DRAM2: variants seen among roughly 807,000 people sequenced by gnomAD.
DRAM2 encodes DNA damage regulated autophagy modulator 2.
DRAM2 carries 26 observed loss-of-function variants against 33.5 expected under a neutral mutation model. The ratio of observed to expected loss-of-function variants is 0.78; its 90% confidence interval spans 0.57 to 1.08. The LOEUF (loss-of-function observed/expected upper bound fraction) is 1.08. Ranked by LOEUF, DRAM2 falls within the 50% of genes least tolerant of loss-of-function variation. The pLI is 0.00. For missense variants in DRAM2, 311 were observed against 318.1 expected (o/e 0.98, Z 0.17); for synonymous variants, 98 against 109.5 (o/e 0.89, Z 0.66).
At position 111,120,547 on chromosome 1, in the gene DRAM2, CAA is replaced by C; in HGVS notation, c.484_485del (p.Leu162GlyfsTer10). ...GKQVFWIRLLLVIWCGVSALS... is the reference protein window; with the variant it reads ...GKQVFWIRLLXVIWCGVSALS... ...GTGCACTTACTCCACACCAGATAAC[CAA>C]CAACAGTCTGATCCAGAAGACTTGT... On this transcript the variant is annotated frameshift_variant, in exon 7 of 10. Transcript: ENST00000484310. LOFTEE classifies it high-confidence loss of function. 6.2e-7 allele frequency: 1 copy of C among 1,610,446 alleles called. No individual in the cohort carries two copies. The highest frequency in any genetic ancestry group is 8.5e-7 in the Non-Finnish European group (1 of 1,178,230).
At chr1:111,125,017 G>GAA (rs146295738) in intron 5 of DRAM2, 136 bp from the exon 6 acceptor site, 828 of 604,514 alleles carry the variant, frequency 1.4e-3, no homozygotes, top group South Asian at 2.7e-3. Context: ...AGAATAAAAA[G>GAA]AAAAAAAAAA....
chr1:111,130,773 G>GC (rs1443181320), intron 4 of DRAM2, among the ~76,000 whole-genome samples: 1 of 150,852 alleles, frequency 6.6e-6, no homozygotes, highest in Non-Finnish European at 1.5e-5. Context: ...GAGGTGGGCA[G>GC]ATCACAAAGT....
rs1654100338 is a variant in DRAM2, at chr1:111,139,583, C to A, written c.-161G>T. ...TGAAGATTCTTGGTAACTGCTTCAACAAACCAGAGGAATTAATTAGACCGC... is the reference window on the plus strand; with the variant it reads ...TGAAGATTCTTGGTAACTGCTTCAAAAAACCAGAGGAATTAATTAGACCGC... On this transcript the variant is annotated 5_prime_UTR_variant, in exon 2 of 10. Transcript: ENST00000484310. 6.6e-6 allele frequency: 1 copy of A among 152,274 alleles called. No individual in the cohort carries two copies. The highest frequency in any genetic ancestry group is 2.4e-5 in the African/African-American group (1 of 41,436). The allele number at this position is 152,274 out of a possible 1,614,324, so 9.4% of individuals were successfully genotyped here.
At chr1:111,123,226 T>C (rs583768) in intron 6 of DRAM2, among the ~76,000 whole-genome samples, 30,269 of 152,082 alleles carry the variant, frequency 0.2, 3,140 homozygotes, top group Middle Eastern at 0.27. Context: ...TTTCATAGTA[T>C]AAAGTGGCTG....
intron 1 of DRAM2, 70 bp from the exon 2 acceptor site, chr1:111,139,736 G>C (rs1475761434): frequency 6.6e-6 from 1 of 152,448 alleles, no homozygotes; most frequent in East Asian, 1.9e-4. Flanking sequence ...AGGAGAGTAG[G>C]GGAAACCAAG....
At chr1:111,120,104 C>T (rs1036933397) in intron 7 of DRAM2, 145 bp from the exon 8 acceptor site, 8 of 692,926 alleles carry the variant, frequency 1.2e-5, no homozygotes, top group South Asian at 2.0e-5. Flanking sequence ...AGCAGTGGTA[C>T]TGTAAAACTA....
At chr1:111,120,447 AT>A in intron 7 of DRAM2, 68 bp downstream of exon 7, 1 of 745,812 alleles carries the variant, frequency 1.3e-6, no homozygotes, top group Non-Finnish European at 1.9e-6. Context: ...TACTGCACCA[AT>A]AGTGTTTACT....
intron 3 of DRAM2, among the ~76,000 whole-genome samples, chr1:111,136,884 G>A (rs1242950028): frequency 6.6e-6 from 1 of 151,766 alleles, no homozygotes; most frequent in Non-Finnish European, 1.5e-5. Context: ...TGAGGCAGAA[G>A]AATCACTTGA....
Position 111,126,255 on chromosome 1 carries a change from C to A in DRAM2, c.171G>T (p.Gly57=). 1.2e-6 allele frequency: 2 copies of A among 1,609,524 alleles called. No individual in the cohort carries two copies. The highest frequency in any genetic ancestry group is 8.5e-7 in the Non-Finnish European group (1 of 1,177,692). Residue 57 remains glycine (G), a synonymous_variant, in exon 5 of 10, where the codon GGG becomes GGT. Coordinates refer to ENST00000484310, the MANE Select transcript of DRAM2 (RefSeq NM_001349884.2). Reference sequence around the variant, plus strand: ...AAACTGCCGCAATATTTAGCATTGCCCCAAATAAGCATTTTTCTGGAGCTA... The same window carrying A: ...AAACTGCCGCAATATTTAGCATTGCACCAAATAAGCATTTTTCTGGAGCTA... ...GTVAPEKCLF[G]AMLNIAAVLC... is the part of the protein sequence containing the mutation.
chr1:111,119,610 C>G (rs929860690), intron 8 of DRAM2: 4 of 415,446 alleles, frequency 9.6e-6, no homozygotes. Context: ...ATATACTATA[C>G]CCACATTTAG....
In DRAM2 at chr1:111,119,962, A is replaced by G. The variant is rs777019794; in HGVS notation, c.518-3T>C. 3 of 1,611,364 alleles carry G rather than the reference A, an allele frequency of 1.9e-6. No individual in the cohort carries two copies. In the South Asian group the frequency reaches 3.3e-5, roughly 18 times the overall value. ...CAAAACTGATGAGCAAGTCAGCACTATAAAAACATAAGTCAAGGAAGAATC... is the reference window on the plus strand; with the variant it reads ...CAAAACTGATGAGCAAGTCAGCACTGTAAAAACATAAGTCAAGGAAGAATC... On this transcript the variant is annotated splice_region_variant and splice_polypyrimidine_tract_variant and intron_variant, in intron 7 of 9. Transcript: ENST00000484310.
chr1:111,120,107 T>C (rs1357698580), intron 7 of DRAM2, 148 bp from the exon 8 acceptor site: 1 of 686,238 alleles, frequency 1.5e-6, no homozygotes, highest in Non-Finnish European at 2.4e-6. Context: ...AGTGGTACTG[T>C]AAAACTAAAA....
intron 8 of DRAM2, 57 bp from the exon 9 acceptor site, chr1:111,118,954 ACT>A (rs1427315816): frequency 8.6e-7 from 1 of 1,164,384 alleles, no homozygotes; most frequent in African/African-American, 1.6e-5. Context: ...CGATCTATAT[ACT>A]ATGTTTCAAA....
In DRAM2 at chr1:111,120,613, G is replaced by T; in HGVS notation, c.420C>A (p.Thr140=). The T allele has an allele frequency of 1.9e-6, 3 of 1,611,824 alleles. No homozygotes were observed. The highest frequency in any genetic ancestry group is 2.5e-6 in the Non-Finnish European group (3 of 1,178,656). Residue 140 remains threonine (T), a synonymous_variant, in exon 7 of 10, where the codon ACC becomes ACA. Transcript: ENST00000484310. ...TGGGCTGCATTTGGTAGGAAAGGAT[G>T]GTCTGAACAAACATATATAATGAGC... The part of the protein sequence containing the change: ...GMGSLYMFVQ[T]ILSYQMQPKI...
At chr1:111,118,347 C>T (rs148845706) in intron 9 of DRAM2, 80 bp from the exon 10 acceptor site, 1 of 904,972 alleles carries the variant, frequency 1.1e-6, no homozygotes. Context: ...TATAGGCTAC[C>T]TTGTGATTAT....
intron 3 of DRAM2, among the ~76,000 whole-genome samples, chr1:111,134,250 T>C (rs568297136): frequency 6.6e-6 from 1 of 152,168 alleles, no homozygotes; most frequent in Admixed American, 6.5e-5. Flanking sequence ...TAAATTAGAA[T>C]ACTCCTATGA....
chr1:111,138,728 G>C (rs1331777240), intron 2 of DRAM2, among the ~76,000 whole-genome samples: 1 of 152,178 alleles, frequency 6.6e-6, no homozygotes, highest in Non-Finnish European at 1.5e-5. Flanking sequence ...AGGTTGCAGA[G>C]AGCCAAGGTC....
intron 4 of DRAM2, 136 bp from the exon 5 acceptor site, chr1:111,126,430 T>C (rs1239532339): frequency 1.8e-6 from 1 of 555,666 alleles, no homozygotes; most frequent in Non-Finnish European, 3.3e-6. Flanking sequence ...TCATATCATT[T>C]TATACAGAGA....
rs1557879730 is a variant in DRAM2 at position 111,118,199 on chromosome 1, A to G, written c.762T>C (p.Ile254=). 1 of 1,613,154 alleles carries G rather than the reference A, an allele frequency of 6.2e-7. No homozygotes were observed. Among genetic ancestry groups the G allele is most frequent in the Non-Finnish European group, 8.5e-7 (1 of 1,179,276 alleles). The part of the protein sequence containing the change: ...LTLYDTAPCP[I]NNERTRLLSR... ...AAAGTAGCCGTGTTCGTTCATTGTT[A>G]ATAGGGCAAGGTGCAGTGTCATAGA... The change falls in exon 10 of 10, where the codon ATT becomes ATC. Residue 254 remains isoleucine, a synonymous_variant. Coordinates refer to ENST00000484310, the MANE Select transcript of DRAM2 (RefSeq NM_001349884.2).
Sources: gnomAD v4.1 joint callset for allele counts (sites outside exome capture counted in the v4.1 genomes callset) on GRCh38, gnomAD v4.1.1 for gene constraint, MANE v1.5 for transcripts, NCBI Gene and HGNC (gene_info 2026-07-23, HGNC 2026-07-21) for gene names.